Variants in SLC24A2 observed in about 807,000 individuals in gnomAD.
SLC24A2 encodes sodium/potassium/calcium exchanger 2.
In SLC24A2, 36 loss-of-function variants were observed where a neutral mutation model predicts 62.0. That is an observed-to-expected ratio of 0.58 (90% CI 0.44 to 0.77). The LOEUF (loss-of-function observed/expected upper bound fraction) is 0.77. Ranked by LOEUF, SLC24A2 falls within the 30% of genes least tolerant of loss-of-function variation. The probability of loss-of-function intolerance (pLI) is 0.00; values close to 1 mark genes in which losing one functional copy is unlikely to be tolerated. For missense variants in SLC24A2, 846 were observed against 817.9 expected (o/e 1.03, Z -0.42); for synonymous variants, 358 against 294.0 (o/e 1.22, Z -2.23).
At chr9:20,020,419 C>T in the SLC24A2 span, among the ~76,000 whole-genome samples, 1 of 152,118 alleles carries the variant, frequency 6.6e-6, no homozygotes, top group Non-Finnish European at 1.5e-5. Flanking sequence ...ATGTCCTTTG[C>T]AAGGACATGG....
chr9:20,152,704 A>G, the SLC24A2 span, among the ~76,000 whole-genome samples: 1 of 151,868 alleles, frequency 6.6e-6, no homozygotes, highest in South Asian at 2.1e-4. Context: ...TAAGAAAGCA[A>G]GTACACCCCA....
At chr9:20,221,070 G>T in the SLC24A2 span, among the ~76,000 whole-genome samples, 1 of 152,084 alleles carries the variant, frequency 6.6e-6, no homozygotes, top group Non-Finnish European at 1.5e-5. Flanking sequence ...TATCACCAGA[G>T]CTTATAGAGT....
chr9:19,628,797 G>A (rs866114504), intron 2 of SLC24A2, among the ~76,000 whole-genome samples: 26 of 152,274 alleles, frequency 1.7e-4, no homozygotes, highest in African/African-American at 5.1e-4. Context: ...CATAAAATAC[G>A]CTAACACTAA....
chr9:19,991,923 G>T, the SLC24A2 span, among the ~76,000 whole-genome samples: 70 of 152,246 alleles, frequency 4.6e-4, 2 homozygotes, highest in South Asian at 0.014. Flanking sequence ...CATTTCCCAG[G>T]TAAAAGCAAC....
chr9:20,096,732 G>C, the SLC24A2 span, among the ~76,000 whole-genome samples: 3 of 144,004 alleles, frequency 2.1e-5, no homozygotes, highest in Admixed American at 2.1e-4. Flanking sequence ...TATTTCTTTG[G>C]CTTGGATTGA....
At chr9:19,983,015 A>T in the SLC24A2 span, among the ~76,000 whole-genome samples, 2 of 152,324 alleles carry the variant, frequency 1.3e-5, no homozygotes, top group South Asian at 2.1e-4. Context: ...CTTCTTCAAC[A>T]TGATAAAGGA....
the SLC24A2 span, among the ~76,000 whole-genome samples, chr9:20,288,996 T>C: frequency 6.6e-6 from 1 of 152,002 alleles, no homozygotes; most frequent in Non-Finnish European, 1.5e-5. Context: ...AGCCTTCAGA[T>C]AATTCCAGCC....
intron 8 of SLC24A2, among the ~76,000 whole-genome samples, chr9:19,539,076 C>G (rs1487328387): frequency 1.3e-5 from 1 of 76,012 alleles, no homozygotes; most frequent in Non-Finnish European, 2.6e-5. Flanking sequence ...TTTATTGTGT[C>G]TATTTGATTC....
At chr9:20,142,419 T>A in the SLC24A2 span, among the ~76,000 whole-genome samples, 1 of 151,648 alleles carries the variant, frequency 6.6e-6, no homozygotes, top group Non-Finnish European at 1.5e-5. Flanking sequence ...TATATATCCA[T>A]TATAAACCAG....
chr9:19,933,199 A>T, the SLC24A2 span, among the ~76,000 whole-genome samples: 1 of 152,210 alleles, frequency 6.6e-6, no homozygotes. Context: ...CATGTCCTGT[A>T]GAGAGGGGCA....
At chr9:19,904,510 G>T in the SLC24A2 span, among the ~76,000 whole-genome samples, 6 of 152,170 alleles carry the variant, frequency 3.9e-5, no homozygotes, top group Non-Finnish European at 7.3e-5. Context: ...TTAATCAGAG[G>T]TGGAAAGTGA....
the SLC24A2 span, among the ~76,000 whole-genome samples, chr9:19,959,649 T>C: frequency 6.6e-6 from 1 of 152,212 alleles, no homozygotes; most frequent in Non-Finnish European, 1.5e-5. Flanking sequence ...CTTTTCATGG[T>C]GTTGAAGGAT....
At chr9:20,237,595 T>G in the SLC24A2 span, among the ~76,000 whole-genome samples, 2 of 152,176 alleles carry the variant, frequency 1.3e-5, no homozygotes, top group African/African-American at 4.8e-5. Context: ...ATCTGGAACT[T>G]GGGAATGATG....
At chr9:20,287,194 T>C in the SLC24A2 span, among the ~76,000 whole-genome samples, 1 of 152,330 alleles carries the variant, frequency 6.6e-6, no homozygotes, top group African/African-American at 2.4e-5. Context: ...ATGACATTTA[T>C]TCAACTTCTG....
chr9:20,179,438 C>T, the SLC24A2 span, among the ~76,000 whole-genome samples: 5 of 152,262 alleles, frequency 3.3e-5, no homozygotes, highest in African/African-American at 4.8e-5. Flanking sequence ...TGACTGATGG[C>T]GGTGATAAAA....
the SLC24A2 span, among the ~76,000 whole-genome samples, chr9:20,025,328 A>G: frequency 3.9e-5 from 6 of 152,206 alleles, no homozygotes. Flanking sequence ...TACTGAATAA[A>G]TGAGTGGTAA....
At chr9:19,518,145 T>A (rs527975930) in intron 10 of SLC24A2, among the ~76,000 whole-genome samples, 3 of 152,308 alleles carry the variant, frequency 2.0e-5, no homozygotes, top group Admixed American at 6.5e-5. Flanking sequence ...TTATTTTGAA[T>A]AATAAAAAGC....
At chr9:19,966,471 G>A in the SLC24A2 span, among the ~76,000 whole-genome samples, 1 of 152,162 alleles carries the variant, frequency 6.6e-6, no homozygotes, top group East Asian at 1.9e-4. Context: ...TTGTAGCTAA[G>A]CTAAAGCTAC....
At chr9:19,763,229 G>A (rs2118861693) in intron 2 of SLC24A2, among the ~76,000 whole-genome samples, 1 of 152,258 alleles carries the variant, frequency 6.6e-6, no homozygotes, top group African/African-American at 2.4e-5. Context: ...GAGACAATGG[G>A]GTTTTCTAAA....
Sources: allele counts gnomAD v4.1 joint callset (sites outside exome capture counted in the v4.1 genomes callset), GRCh38; gene constraint gnomAD v4.1.1; transcripts MANE v1.5; gene names NCBI Gene and HGNC (gene_info 2026-07-23, HGNC 2026-07-21).